The following CSMD3 variants were observed in gnomAD, a reference collection of about 807,000 sequenced individuals.
CSMD3 encodes the protein CUB and Sushi multiple domains 3.
A neutral mutation model predicts 435.2 loss-of-function variants in CSMD3; 177 were observed. The observed-to-expected ratio is 0.41, with a 90% CI of 0.36 to 0.46. The LOEUF is 0.46. Among genes scored for constraint, CSMD3 ranks in the 20% least tolerant of loss-of-function variants. The probability of loss-of-function intolerance (pLI) is 0.34; values close to 1 mark genes in which losing one functional copy is unlikely to be tolerated. For missense variants in CSMD3, 4,265 were observed against 4,504.6 expected (o/e 0.95, Z 1.52); for synonymous variants, 1,656 against 1,520.5 (o/e 1.09, Z -2.07).
chr8:112,553,022 G>A (rs879870685), intron 25 of CSMD3, among the ~76,000 whole-genome samples: 10 of 152,056 alleles, frequency 6.6e-5, no homozygotes, highest in African/African-American at 1.4e-4. Flanking sequence ...GTTAAATAAC[G>A]ATAATTTTAA....
At chr8:113,228,154 T>C (rs886261268) in intron 3 of CSMD3, among the ~76,000 whole-genome samples, 8 of 151,662 alleles carry the variant, frequency 5.3e-5, no homozygotes, top group African/African-American at 1.9e-4. Flanking sequence ...ATGGTCTTCA[T>C]GTTTTTAAAT....
At chr8:112,557,784 T>G (rs897303684) in intron 24 of CSMD3, among the ~76,000 whole-genome samples, 4 of 151,948 alleles carry the variant, frequency 2.6e-5, no homozygotes, top group Non-Finnish European at 4.4e-5. Context: ...GTTTGTATCC[T>G]TTATAATAAA....
At chr8:112,616,062 A>G (rs1217210600) in intron 22 of CSMD3, among the ~76,000 whole-genome samples, 1 of 152,118 alleles carries the variant, frequency 6.6e-6, no homozygotes, top group African/African-American at 2.4e-5. Context: ...TTAATACAGT[A>G]ATTAAAAGTG....
intron 4 of CSMD3, among the ~76,000 whole-genome samples, chr8:113,170,827 C>G (rs78576463): frequency 0.066 from 10,039 of 151,754 alleles, 453 homozygotes; most frequent in Non-Finnish European, 0.095. Context: ...AAAAAGTGAC[C>G]TGGGTAGACT....
At chr8:113,017,192 A>G (rs964764) in intron 6 of CSMD3, among the ~76,000 whole-genome samples, 91,654 of 151,734 alleles carry the variant, frequency 0.6, 29,298 homozygotes, top group East Asian at 0.95. Context: ...ATTTTACTAC[A>G]GTGATGCTAC....
rs772643684 is a variant in CSMD3, at chr8:112,234,488, C to T, written c.10628-11G>A. 1 of 1,460,578 alleles carries T rather than the reference C, an allele frequency of 6.8e-7. No individual in the cohort carries two copies. Among genetic ancestry groups the T allele is most frequent in the Non-Finnish European group, 9.6e-7 (1 of 1,040,394 alleles). The allele number at this position is 1,460,578 out of a possible 1,614,324, so 90.5% of individuals were successfully genotyped here. On this transcript the variant is annotated splice_polypyrimidine_tract_variant and intron_variant, in intron 67 of 70. Transcript: ENST00000297405. ...GGCTTTTATATACCCCTGTAAAATG[C>T]AAGGACATTTTAGTCTACTTAACTT...
At chr8:112,242,195 T>C (rs987638412) in intron 65 of CSMD3, among the ~76,000 whole-genome samples, 1 of 152,080 alleles carries the variant, frequency 6.6e-6, no homozygotes, top group Admixed American at 6.6e-5. Flanking sequence ...AATCAAAGTT[T>C]GTTGAGATAA....
chr8:113,129,455 T>C (rs979063757), intron 4 of CSMD3, among the ~76,000 whole-genome samples: 3 of 152,094 alleles, frequency 2.0e-5, no homozygotes, highest in Admixed American at 6.6e-5. Flanking sequence ...ACAGTATTAG[T>C]ATGGAAAAGG....
At chr8:112,934,895 G>A (rs2130730413) in intron 9 of CSMD3, among the ~76,000 whole-genome samples, 1 of 152,108 alleles carries the variant, frequency 6.6e-6, no homozygotes, top group East Asian at 1.9e-4. Flanking sequence ...CCTTTTCTGT[G>A]CAAAAGTTTT....
At chr8:113,068,989 A>C (rs1015493650) in intron 5 of CSMD3, among the ~76,000 whole-genome samples, 1 of 151,872 alleles carries the variant, frequency 6.6e-6, no homozygotes, top group Non-Finnish European at 1.5e-5. Context: ...GTAAGGAAAC[A>C]GTTACTAGGG....
intron 3 of CSMD3, among the ~76,000 whole-genome samples, chr8:113,245,292 C>T (rs1460107574): frequency 6.6e-6 from 1 of 151,884 alleles, no homozygotes; most frequent in African/African-American, 2.4e-5. Flanking sequence ...CATGTGTATG[C>T]CATTTTTATA....
chr8:113,332,346 C>A (rs2094034686), intron 1 of CSMD3, among the ~76,000 whole-genome samples: 1 of 144,672 alleles, frequency 6.9e-6, no homozygotes, highest in Admixed American at 6.8e-5. Flanking sequence ...CACAATAAAG[C>A]AGAACATAAT....
chr8:112,855,433 T>G (rs1388009647), intron 11 of CSMD3, among the ~76,000 whole-genome samples: 1 of 152,148 alleles, frequency 6.6e-6, no homozygotes, highest in Non-Finnish European at 1.5e-5. Flanking sequence ...TGCATGATAT[T>G]TTATAAATGG....
chr8:112,531,524 G>T (rs1466223632), intron 27 of CSMD3, among the ~76,000 whole-genome samples: 1 of 152,008 alleles, frequency 6.6e-6, no homozygotes, highest in Non-Finnish European at 1.5e-5. Flanking sequence ...TCCTGTTTGA[G>T]GTAAAGAGAC....
At chr8:112,741,399 T>C (rs761771838) in intron 13 of CSMD3, among the ~76,000 whole-genome samples, 1 of 151,672 alleles carries the variant, frequency 6.6e-6, no homozygotes, top group Non-Finnish European at 1.5e-5. Flanking sequence ...AAAATCACAG[T>C]GAGGTAATCT....
At chr8:112,530,325 T>A (rs1160712630) in intron 27 of CSMD3, among the ~76,000 whole-genome samples, 1 of 151,448 alleles carries the variant, frequency 6.6e-6, no homozygotes. Flanking sequence ...CAAATAAGAG[T>A]AACCTAAATA....
intron 38 of CSMD3, among the ~76,000 whole-genome samples, chr8:112,377,123 A>G (rs1772628086): frequency 6.6e-6 from 1 of 152,038 alleles, no homozygotes; most frequent in Admixed American, 6.6e-5. Flanking sequence ...TTTCTACAGC[A>G]TCTAGTTGCT....
At chr8:113,156,936 G>A (rs1435404157) in intron 4 of CSMD3, among the ~76,000 whole-genome samples, 2 of 114,792 alleles carry the variant, frequency 1.7e-5, no homozygotes, top group Admixed American at 1.7e-4. Flanking sequence ...TGTCTCAAAA[G>A]AGAGAGAGAG....
At chr8:112,352,602 A>G (rs1826232305) in intron 38 of CSMD3, 68 bp from the exon 39 acceptor site, 4 of 1,376,376 alleles carry the variant, frequency 2.9e-6, no homozygotes, top group Non-Finnish European at 4.1e-6. Flanking sequence ...ATGCATATTA[A>G]GTTGCTAAAA....
Sources: allele counts gnomAD v4.1 joint callset (sites outside exome capture counted in the v4.1 genomes callset), GRCh38; gene constraint gnomAD v4.1.1; transcripts MANE v1.5; gene names NCBI Gene and HGNC (gene_info 2026-07-23, HGNC 2026-07-21).